Variants in CEMIP2 observed in about 807,000 individuals in gnomAD.
CEMIP2 encodes the protein cell migration inducing hyaluronidase 2.
A neutral mutation model predicts 146.9 loss-of-function variants in CEMIP2; 79 were observed. The ratio of observed to expected loss-of-function variants is 0.54; its 90% CI spans 0.45 to 0.65. CEMIP2 has a LOEUF of 0.65. CEMIP2 is among the 30% of genes least tolerant of loss of function. The pLI, the probability that CEMIP2 is intolerant of heterozygous loss-of-function variation, is 0.00. For missense variants in CEMIP2, 1,596 were observed against 1,696.2 expected (o/e 0.94, Z 1.04); for synonymous variants, 601 against 606.3 (o/e 0.99, Z 0.13).
chr9:71,762,080 T>G (rs572175179), intron 1 of CEMIP2, among the ~76,000 whole-genome samples: 1 of 152,214 alleles, frequency 6.6e-6, no homozygotes, highest in East Asian at 1.9e-4. Context: ...GTCTTTCATA[T>G]TCTTTGAAAG....
chr9:71,712,018 T>A, intron 16 of CEMIP2, 65 bp downstream of exon 16: 2 of 1,550,128 alleles, frequency 1.3e-6, no homozygotes, highest in East Asian at 4.5e-5. Flanking sequence ...TTTTTGTCTT[T>A]GGGAATGTGC....
intron 21 of CEMIP2, among the ~76,000 whole-genome samples, chr9:71,691,447 C>T (rs959781350): frequency 3.0e-5 from 4 of 132,054 alleles, no homozygotes; most frequent in African/African-American, 1.3e-4. Context: ...AATAAAAAAG[C>T]CCTTTAGCTA....
chr9:71,711,803 G>T (rs1018232540), intron 16 of CEMIP2, among the ~76,000 whole-genome samples: 3 of 152,106 alleles, frequency 2.0e-5, no homozygotes, highest in Admixed American at 6.5e-5. Flanking sequence ...ATGTCCTCTT[G>T]TTCCTATGAA....
At chr9:71,713,271 T>C (rs1199770265) in intron 15 of CEMIP2, among the ~76,000 whole-genome samples, 5 of 152,066 alleles carry the variant, frequency 3.3e-5, no homozygotes, top group Admixed American at 2.0e-4. Context: ...CGATATCCGA[T>C]GGTTTTAAAA....
intron 22 of CEMIP2, chr9:71,686,063 A>C: frequency 2.0e-6 from 1 of 512,606 alleles, no homozygotes; most frequent in Non-Finnish European, 3.5e-6. Context: ...TAACGCATAC[A>C]TAAACCAAAT....
chr9:71,766,263 G>T (rs1194344253), intron 1 of CEMIP2, among the ~76,000 whole-genome samples: 1 of 151,752 alleles, frequency 6.6e-6, no homozygotes, highest in Non-Finnish European at 1.5e-5. Flanking sequence ...AGTAGAGATA[G>T]GGTTTTACCA....
At chr9:71,715,625 GAT>G (rs71790721) in intron 14 of CEMIP2, among the ~76,000 whole-genome samples, 25,218 of 118,954 alleles carry the variant, frequency 0.21, 2,903 homozygotes, top group African/African-American at 0.31. Context: ...TCCCTCTTAA[GAT>G]ATATATATAT....
intron 4 of CEMIP2, among the ~76,000 whole-genome samples, chr9:71,744,469 C>T (rs1824015415): frequency 6.6e-6 from 1 of 152,162 alleles, no homozygotes; most frequent in Admixed American, 6.5e-5. Context: ...TTAACTTTTT[C>T]CTTCCTCATA....
chr9:71,749,177 C>T (rs1179149218), intron 2 of CEMIP2, among the ~76,000 whole-genome samples: 5 of 152,102 alleles, frequency 3.3e-5, no homozygotes, highest in Non-Finnish European at 7.3e-5. Context: ...AATCTCCCTG[C>T]ATAATATTTA....
chr9:71,719,010 C>T (rs912046317), intron 12 of CEMIP2, among the ~76,000 whole-genome samples: 2 of 152,160 alleles, frequency 1.3e-5, no homozygotes, highest in South Asian at 4.1e-4. Flanking sequence ...ACTATAACAA[C>T]TCAAATAGTC....
chr9:71,698,603 CA>C (rs1822467971), intron 19 of CEMIP2, among the ~76,000 whole-genome samples: 1 of 50,122 alleles, frequency 2.0e-5, no homozygotes, highest in Non-Finnish European at 4.7e-5. Flanking sequence ...ATTCATAAAT[CA>C]TTTTGGTTAA....
intron 1 of CEMIP2, among the ~76,000 whole-genome samples, chr9:71,766,072 C>CTT (rs761620941): frequency 7.0e-5 from 10 of 142,108 alleles, no homozygotes; most frequent in South Asian, 2.2e-4. Flanking sequence ...TCTTTTTTTT[C>CTT]TTTTTTTTTT....
chr9:71,749,622 T>C (rs1233136536), intron 2 of CEMIP2, among the ~76,000 whole-genome samples: 1 of 151,860 alleles, frequency 6.6e-6, no homozygotes, highest in East Asian at 1.9e-4. Flanking sequence ...ATGAGAATCA[T>C]TTGAACCCAG....
intron 4 of CEMIP2, among the ~76,000 whole-genome samples, chr9:71,743,065 A>T (rs1004897161): frequency 2.0e-5 from 3 of 152,228 alleles, no homozygotes; most frequent in Admixed American, 6.5e-5. Context: ...ATTTAAAATT[A>T]AAAAAGAAAA....
chr9:71,704,449 C>A, intron 18 of CEMIP2, 146 bp downstream of exon 18: 1 of 757,956 alleles, frequency 1.3e-6, no homozygotes, highest in Non-Finnish European at 2.2e-6. Flanking sequence ...ATTCCATCAA[C>A]ACAAAATATA....
chr9:71,690,958 A>T (rs559267939), intron 21 of CEMIP2, among the ~76,000 whole-genome samples: 2 of 152,362 alleles, frequency 1.3e-5, no homozygotes, highest in African/African-American at 2.4e-5. Context: ...AAAACAAAAC[A>T]ACTAAGCACT....
At chr9:71,706,516 T>C (rs1031274178) in intron 17 of CEMIP2, among the ~76,000 whole-genome samples, 4 of 152,202 alleles carry the variant, frequency 2.6e-5, no homozygotes, top group Admixed American at 2.6e-4. Context: ...TGATTTGTAA[T>C]ATAGATCAGG....
At chr9:71,685,637 C>T in intron 23 of CEMIP2, 106 bp downstream of exon 23, 1 of 963,062 alleles carries the variant, frequency 1.0e-6, no homozygotes, top group Admixed American at 2.3e-5. Context: ...ATGATACCCA[C>T]TCCAGCAAAC....
chr9:71,754,463 A>T (rs947542844), intron 1 of CEMIP2, among the ~76,000 whole-genome samples: 4 of 152,114 alleles, frequency 2.6e-5, no homozygotes, highest in African/African-American at 9.7e-5. Context: ...TCACTTTAAT[A>T]CTCAGTTTGT....
Sources: allele counts gnomAD v4.1 joint callset (sites outside exome capture counted in the v4.1 genomes callset), GRCh38; gene constraint gnomAD v4.1.1; transcripts MANE v1.5; gene names NCBI Gene and HGNC (gene_info 2026-07-23, HGNC 2026-07-21).